The following HYDIN variants were observed in gnomAD, a reference collection of about 807,000 sequenced individuals.
The protein encoded by HYDIN is HYDIN axonemal central pair apparatus protein.
HYDIN carries 132 observed loss-of-function variants against 403.9 expected under a neutral mutation model. The observed-to-expected ratio is 0.33, with a 90% confidence interval of 0.28 to 0.38. The LOEUF (loss-of-function observed/expected upper bound fraction) is 0.38, where lower values mean the gene tolerates loss of function less well. HYDIN is among the 10% of genes least tolerant of loss of function. The pLI, the probability that HYDIN is intolerant of heterozygous loss-of-function variation, is 1.00. For missense variants in HYDIN, 2,827 were observed against 5,009.5 expected (o/e 0.56, Z 13.15); for synonymous variants, 1,202 against 1,891.7 (o/e 0.64, Z 9.46).
intron 9 of HYDIN, among the ~76,000 whole-genome samples, chr16:71,125,338 T>C (rs1329978649): frequency 6.6e-6 from 1 of 152,124 alleles, no homozygotes; most frequent in Non-Finnish European, 1.5e-5. Flanking sequence ...TCTATAGTCA[T>C]CTCAAATTCA....
Position 70,981,519 on chromosome 16 carries a change from G to A in HYDIN, c.4382C>T (p.Pro1461Leu). The change falls in exon 29 of 86, where the codon CCT becomes CTT. Residue 1461 changes from proline to leucine, a missense_variant. Physicochemically the swap from Pro to Leu is moderately conservative, Grantham distance 98. Coordinates refer to ENST00000393567, the MANE Select transcript of HYDIN (RefSeq NM_001270974.2). ...CCTTTTAAAGACCTCAGGTACTCCA[G>A]GTAGGTAGTAAACTTTTAATACCTG... ...QEQVLKVYYLPGVPEVFKRSF... is the reference protein window; with the variant it reads ...QEQVLKVYYLLGVPEVFKRSF... The A allele has an allele frequency of 1.2e-6, 2 of 1,613,352 alleles. No homozygotes were observed. Among genetic ancestry groups the A allele is most frequent in the Non-Finnish European group, 1.7e-6 (2 of 1,179,756 alleles).
At chr16:70,836,072 G>T (rs1233023560) in intron 77 of HYDIN, among the ~76,000 whole-genome samples, 1 of 151,964 alleles carries the variant, frequency 6.6e-6, no homozygotes, top group African/African-American at 2.4e-5. Context: ...AAAATCTCAG[G>T]GCACCTTGAG....
At chr16:70,922,775 C>T (rs1275816938) in intron 45 of HYDIN, among the ~76,000 whole-genome samples, 7 of 143,274 alleles carry the variant, frequency 4.9e-5, no homozygotes, top group Non-Finnish European at 7.6e-5. Flanking sequence ...TCTTTAAATG[C>T]TTTTATAACC....
At chr16:71,185,037 TGAAA>T in intron 2 of HYDIN, 47 bp from the exon 3 acceptor site, 1 of 1,436,540 alleles carries the variant, frequency 7.0e-7, no homozygotes, top group Non-Finnish European at 9.4e-7. Context: ...GTGGATGTAC[TGAAA>T]AAGTGTTTTC....
chr16:70,874,948 T>C (rs750775710), intron 62 of HYDIN, 29 bp from the exon 63 acceptor site: 2 of 1,548,068 alleles, frequency 1.3e-6, no homozygotes, highest in East Asian at 2.3e-5. Context: ...GGATGAGTGC[T>C]AGGCTTACAG....
Position 70,804,831 on chromosome 16 carries a change from CA to C in HYDIN, c.*2748del, listed in dbSNP as rs2035037491. ...TTTCTCCCCCTCCCTTCTCCCTGAT[CA>C]CTTTTATAAAATGTATATGGACAGC... On this transcript the variant is annotated 3_prime_UTR_variant, in exon 86 of 86. Coordinates refer to ENST00000393567, the MANE Select transcript of HYDIN (RefSeq NM_001270974.2). Among the ~76,000 whole-genome samples, 1 of 152,164 alleles carries C rather than the reference CA, an allele frequency of 6.6e-6. No individual in the cohort carries two copies. The highest frequency in any genetic ancestry group is 1.5e-5 in the Non-Finnish European group (1 of 68,034).
In HYDIN at chr16:71,046,454, C is replaced by T. The variant is rs550134530; in HGVS notation, c.2529+14050G>A. ...CTCATATAATGTTGCCCTTCCCTCC[C>T]GGATGCATCCCAATTCAATGTCCTA... On this transcript the variant is annotated intron_variant, in intron 18 of 85. Coordinates refer to ENST00000393567, the MANE Select transcript of HYDIN (RefSeq NM_001270974.2). Among the ~76,000 whole-genome samples, 514 of 151,836 alleles carry T rather than the reference C, an allele frequency of 3.4e-3. 19 individuals are homozygous for T. The East Asian group carries it at 0.069, about 20-fold the overall frequency.
intron 1 of HYDIN, among the ~76,000 whole-genome samples, chr16:71,226,493 T>C (rs1353054134): frequency 1.3e-5 from 2 of 152,306 alleles, no homozygotes; most frequent in South Asian, 2.1e-4. Context: ...GAAAGAAACA[T>C]TGAGGAAAAT....
In HYDIN at chr16:70,803,088, G is replaced by C. The variant is rs759124448; in HGVS notation, c.*4492C>G. On this transcript the variant is annotated 3_prime_UTR_variant, in exon 86 of 86. Transcript: ENST00000393567. ...TCATGTTTCTTTTGCTTTTTGGTTTGGCTTTTTCTTAGAGGTGAACTGAAT... is the reference window on the plus strand; with the variant it reads ...TCATGTTTCTTTTGCTTTTTGGTTTCGCTTTTTCTTAGAGGTGAACTGAAT... Among the ~76,000 whole-genome samples, 1 of 152,074 alleles carries C rather than the reference G, an allele frequency of 6.6e-6. No homozygotes were observed. Among genetic ancestry groups the C allele is most frequent in the Non-Finnish European group, 1.5e-5 (1 of 67,996 alleles).
Position 70,804,310 on chromosome 16 carries a change from G to A in HYDIN, c.*3270C>T, listed in dbSNP as rs2143402785. Among the ~76,000 whole-genome samples, 1 of 152,324 alleles carries A rather than the reference G, an allele frequency of 6.6e-6. No homozygotes were observed. The highest frequency in any genetic ancestry group is 2.1e-4 in the South Asian group (1 of 4,826). ...ACCAACACGTTTGTGTGCCCACTGT[G>A]CAGTAACAGACCAATGCACAGAGAC... On this transcript the variant is annotated 3_prime_UTR_variant, in exon 86 of 86. Transcript: ENST00000393567.
At chr16:71,104,152 T>C (rs1262112523) in intron 10 of HYDIN, among the ~76,000 whole-genome samples, 1 of 151,746 alleles carries the variant, frequency 6.6e-6, no homozygotes, top group Non-Finnish European at 1.5e-5. Context: ...TTCTCCAGCA[T>C]CGTCTCCACA....
At chr16:70,866,567 A>T (rs1467645965) in intron 66 of HYDIN, among the ~76,000 whole-genome samples, 1 of 152,196 alleles carries the variant, frequency 6.6e-6, no homozygotes, top group Non-Finnish European at 1.5e-5. Context: ...CACAACATAC[A>T]TAAAATCCAG....
At chr16:71,196,840 C>T (rs1255060803) in intron 1 of HYDIN, among the ~76,000 whole-genome samples, 1 of 152,182 alleles carries the variant, frequency 6.6e-6, no homozygotes, top group African/African-American at 2.4e-5. Context: ...TTTACAAATG[C>T]CATGTCAATG....
At chr16:71,030,394 T>C (rs914515169) in intron 19 of HYDIN, among the ~76,000 whole-genome samples, 43 of 151,594 alleles carry the variant, frequency 2.8e-4, no homozygotes, top group Non-Finnish European at 5.6e-4. Flanking sequence ...TATATATGTG[T>C]GTGTGTATAT....
At chr16:70,960,038 G>C (rs1017541304) in intron 38 of HYDIN, among the ~76,000 whole-genome samples, 1 of 152,154 alleles carries the variant, frequency 6.6e-6, no homozygotes, top group Non-Finnish European at 1.5e-5. Flanking sequence ...CAGATTTTTT[G>C]ACCCCACTTT....
intron 18 of HYDIN, among the ~76,000 whole-genome samples, chr16:71,049,353 G>A (rs550283116): frequency 2.4e-4 from 37 of 152,240 alleles, no homozygotes; most frequent in South Asian, 6.2e-4. Flanking sequence ...GGTGGACGTG[G>A]TGGTGTTAAA....
At chr16:70,893,169 T>C (rs1164066834) in intron 55 of HYDIN, among the ~76,000 whole-genome samples, 2 of 152,226 alleles carry the variant, frequency 1.3e-5, no homozygotes, top group Non-Finnish European at 2.9e-5. Context: ...CTTCCTTGCT[T>C]CCCTGCGCAT....
In HYDIN at chr16:70,807,776, T is replaced by C. The variant is rs368739130; in HGVS notation, c.15170A>G (p.Asp5057Gly). 35 of 1,614,074 alleles carry C rather than the reference T, an allele frequency of 2.2e-5. No individual in the cohort carries two copies. Among genetic ancestry groups the C allele is most frequent in the Non-Finnish European group, 2.8e-5 (33 of 1,180,042 alleles). Residue 5057 changes from aspartate to glycine, a missense_variant, in exon 86 of 86, where the codon GAT (aspartate) becomes GGT (glycine). By Grantham distance (94) the Asp-to-Gly change is moderately conservative. Transcript: ENST00000393567. ...YHMVTFSIIV[D>G]NPAFTIRAGE... is the part of the protein sequence containing the mutation. ...AGCGCGAATGGTGAAGGCTGGGTTA[T>C]CCACGATGATGGAGAAGGTCACCAT...
At chr16:70,906,209 T>G (rs539337893) in intron 50 of HYDIN, among the ~76,000 whole-genome samples, 11 of 152,306 alleles carry the variant, frequency 7.2e-5, no homozygotes, top group African/African-American at 2.6e-4. Context: ...GGGTCCCCAA[T>G]TCTGCCTAAA....
Sources: gnomAD v4.1 joint callset for allele counts (sites outside exome capture counted in the v4.1 genomes callset) on GRCh38, gnomAD v4.1.1 for gene constraint, MANE v1.5 for transcripts, NCBI Gene and HGNC (gene_info 2026-07-23, HGNC 2026-07-21) for gene names.